The following MYBPC3 variants were observed in gnomAD, a reference collection of about 807,000 sequenced individuals.
MYBPC3 encodes the protein myosin-binding protein C, cardiac-type.
In MYBPC3, 108 loss-of-function variants were observed where a neutral mutation model predicts 159.3. The observed-to-expected ratio is 0.68, with a 90% CI of 0.58 to 0.80. The LOEUF (loss-of-function observed/expected upper bound fraction) is 0.80. MYBPC3 is among the 30% of genes least tolerant of loss of function. The pLI is 0.00. For synonymous variants in MYBPC3, 730 were observed against 702.0 expected, an observed-to-expected ratio of 1.04 and a Z score of -0.63; for missense variants, 1,631 against 1,762.1, an observed-to-expected ratio of 0.93 and a Z score of 1.33.
rs746179515 is a variant in MYBPC3, at chr11:47,332,746, AG to A, written c.3491-45del. Reference sequence around the variant, plus strand: ...GGTACCGAGAGGGCCACACAAAGCTAGGCCCCTCTCCCTGTTCCCACAGCCT... The same window carrying A: ...GGTACCGAGAGGGCCACACAAAGCTAGCCCCTCTCCCTGTTCCCACAGCCT... On this transcript the variant is annotated intron_variant, in intron 31 of 34. Transcript: ENST00000545968. This position sits in a 1 kb window ranked among gnomAD's most constrained non-coding sequence, Gnocchi z 4.2. The A allele has an allele frequency of 1.6e-4, 256 of 1,586,582 alleles. No homozygotes were observed. Among genetic ancestry groups the A allele is most frequent in the Non-Finnish European group, 2.1e-4 (250 of 1,165,712 alleles).
rs937545184 is a variant in MYBPC3 at position 47,351,710 on chromosome 11, G to A, written c.26-205C>T. On this transcript the variant is annotated intron_variant, in intron 1 of 34. Transcript: ENST00000545968. The surrounding 1 kb of genome is among the most constrained non-coding windows in gnomAD (Gnocchi z 4.2). ...CAGAGAAGCTAAGCGGCTCCTCCAA[G>A]ATCACACAGCTAGCAGTCGGGAGAG... Among the ~76,000 whole-genome samples the A allele has an allele frequency of 2.0e-5, 3 of 152,216 alleles. No individual in the cohort carries two copies. Among genetic ancestry groups the A allele is most frequent in the Non-Finnish European group, 4.4e-5 (3 of 68,038 alleles).
chr11:47,333,370 C>T (rs2095879214), intron 29 of MYBPC3, 37 bp from the exon 30 acceptor site: 2 of 1,527,808 alleles, frequency 1.3e-6, no homozygotes, highest in Non-Finnish European at 1.8e-6. Flanking sequence ...ACCACGCCTC[C>T]TGACAGTGAG....
rs751092574 is a variant in MYBPC3, at chr11:47,332,166, A to T, written c.3720T>A (p.Ile1240=). The change falls in exon 33 of 35, where the codon ATT becomes ATA. Residue 1240 remains isoleucine, a synonymous_variant. Coordinates refer to ENST00000545968, the MANE Select transcript of MYBPC3 (RefSeq NM_000256.3). The surrounding 1 kb of genome is among the most constrained non-coding windows in gnomAD (Gnocchi z 4.2). Reference sequence around the variant, plus strand: ...CCCCGTCAAAGGGGCAGGGCTTTCTAATCTCCAGAGTCAACACTCCCTGCT... The same window carrying T: ...CCCCGTCAAAGGGGCAGGGCTTTCTTATCTCCAGAGTCAACACTCCCTGCT... ...FSKQGVLTLE[I]RKPCPFDGGI... The T allele has an allele frequency of 1.2e-6, 2 of 1,613,784 alleles. No homozygotes were observed. Among genetic ancestry groups the T allele is most frequent in the Middle Eastern group, 1.6e-4 (1 of 6,062 alleles).
At position 47,351,331 on chromosome 11, in the gene MYBPC3, G is replaced by A; in HGVS notation, c.200C>T (p.Thr67Ile). 3 of 1,595,460 alleles carry A rather than the reference G, an allele frequency of 1.9e-6. No homozygotes were observed. Among genetic ancestry groups the A allele is most frequent in the Non-Finnish European group, 2.6e-6 (3 of 1,171,410 alleles). The change falls in exon 2 of 35, where the codon ACA becomes ATA. Residue 67 changes from threonine (T) to isoleucine (I), a missense_variant. Physicochemically the swap from Thr to Ile is moderately conservative, Grantham distance 89. Coordinates refer to ENST00000545968, the MANE Select transcript of MYBPC3 (RefSeq NM_000256.3). The surrounding 1 kb of genome is among the most constrained non-coding windows in gnomAD (Gnocchi z 4.2). ...LATEGTRHTLTVREVGPADQG... is the reference protein window; with the variant it reads ...LATEGTRHTLIVREVGPADQG... ...GTCGGCAGGGCCCACTTCCCGCACT[G>A]TCAGCGTATGCCGTGTGCCCTCTGT...
intron 27 of MYBPC3, among the ~76,000 whole-genome samples, chr11:47,334,405 G>A (rs1287146320): frequency 6.6e-6 from 1 of 152,206 alleles, no homozygotes. Context: ...AAGGAACAAA[G>A]GAATGGGAAG....
At chr11:47,341,270 AC>A in intron 18 of MYBPC3, 26 bp from the exon 19 acceptor site, 1 of 1,535,856 alleles carries the variant, frequency 6.5e-7, no homozygotes, top group Non-Finnish European at 8.8e-7. Flanking sequence ...GGCTCAGGGG[AC>A]CCCACTGGGC....
chr11:47,343,692 T>C, intron 12 of MYBPC3, 68 bp from the exon 13 acceptor site: 1 of 1,482,252 alleles, frequency 6.7e-7, no homozygotes, highest in Admixed American at 2.1e-5. Flanking sequence ...CAAGCTACTG[T>C]GGCTGTGGCT....
chr11:47,337,273 G>T, intron 25 of MYBPC3, 118 bp downstream of exon 25: 2 of 1,123,302 alleles, frequency 1.8e-6, no homozygotes, highest in Non-Finnish European at 2.5e-6. Flanking sequence ...CCCAGTCGAG[G>T]ATGAAAGGAG....
rs752388318 is a variant in MYBPC3 at position 47,351,230 on chromosome 11, G to A, written c.292+9C>T. 1.3e-5 allele frequency: 19 copies of A among 1,509,078 alleles called. No homozygotes were observed. Among genetic ancestry groups the A allele is most frequent in the South Asian group, 3.7e-5 (3 of 80,530 alleles). 93.5% of individuals were successfully genotyped at this position (1,509,078 alleles called of 1,614,324 possible). ...CCCAAACCTCAGGGAAGGCTGATCA[G>A]GATCTTACCTGCCTCTATGACCTTG... On this transcript the variant is annotated intron_variant, in intron 2 of 34. Transcript: ENST00000545968. The surrounding 1 kb of genome is among the most constrained non-coding windows in gnomAD (Gnocchi z 4.2).
intron 5 of MYBPC3, 121 bp from the exon 6 acceptor site, chr11:47,348,662 G>A (rs1023716799): frequency 7.6e-6 from 5 of 658,736 alleles, no homozygotes; most frequent in South Asian, 2.3e-5. Flanking sequence ...TCCCCACTTT[G>A]GGAGGCTGAG....
chr11:47,352,561 C>T (rs2095901873), intron 1 of MYBPC3, 62 bp downstream of exon 1: 1 of 1,593,072 alleles, frequency 6.3e-7, no homozygotes, highest in African/African-American at 1.4e-5. Flanking sequence ...CCTAGCCCTG[C>T]TCCCCAATTG....
intron 12 of MYBPC3, among the ~76,000 whole-genome samples, chr11:47,345,205 G>A (rs2095892955): frequency 6.6e-6 from 1 of 152,200 alleles, no homozygotes; most frequent in African/African-American, 2.4e-5. Context: ...ACAGTCCTTT[G>A]CTTGGTGCCC....
At chr11:47,341,320 C>G in intron 18 of MYBPC3, 76 bp from the exon 19 acceptor site, 1 of 1,133,584 alleles carries the variant, frequency 8.8e-7, no homozygotes, top group South Asian at 1.5e-5. Flanking sequence ...CAGCCAGGGT[C>G]CCAGGAGGCC....
chr11:47,335,992 G>A lies in MYBPC3; in HGVS notation c.2622C>T (p.Thr874=), dbSNP rs886048375. The A allele has an allele frequency of 3.3e-6, 5 of 1,532,910 alleles. No individual in the cohort carries two copies. Among genetic ancestry groups the A allele is most frequent in the Admixed American group, 2.0e-5 (1 of 50,746 alleles). The allele number at this position is 1,532,910 out of a possible 1,614,324, so 95.0% of individuals were successfully genotyped here. A position where few individuals can be genotyped will look rare whatever the true frequency, so the allele number is the denominator to read the frequency against. The change falls in exon 26 of 35, where the codon ACC becomes ACT. Residue 874 remains threonine, a synonymous_variant. Coordinates refer to ENST00000545968, the MANE Select transcript of MYBPC3 (RefSeq NM_000256.3). ...FMPIGPPSEP[T]HLAVEDVSDT... ...CAGAGACGTCCTCTACTGCCAGGTG[G>A]GTGGGTTCGCTGGGGGGACCTGGGC... is the stretch of plus-strand genomic sequence containing the variant.
chr11:47,334,902 G>T, intron 27 of MYBPC3, 140 bp downstream of exon 27: 1 of 1,060,478 alleles, frequency 9.4e-7, no homozygotes, highest in Non-Finnish European at 1.2e-6. Flanking sequence ...GCGCATGGAC[G>T]ATGGCTCCAA....
Position 47,346,075 on chromosome 11 carries a change from TG to T in MYBPC3, c.1090+131del. On this transcript the variant is annotated intron_variant, in intron 12 of 34. Transcript: ENST00000545968. The surrounding 1 kb of genome is among the most constrained non-coding windows in gnomAD (Gnocchi z 5.3). ...CCGGACTCCGCTCTTTCCATGTATG[TG>T]GACGAGGTGGGGGGCTAACCTGTGC... 7.9e-7 allele frequency: 1 copy of T among 1,266,516 alleles called. No individual in the cohort carries two copies. The highest frequency in any genetic ancestry group is 1.6e-5 in the South Asian group (1 of 62,522). 78.5% of individuals were successfully genotyped at this position (1,266,516 alleles called of 1,614,324 possible). A position where few individuals can be genotyped will look rare whatever the true frequency, so the allele number is the denominator to read the frequency against.
intron 17 of MYBPC3, 110 bp downstream of exon 17, chr11:47,342,468 G>A: frequency 7.5e-7 from 1 of 1,338,258 alleles, no homozygotes. Context: ...AAGGCCCAAG[G>A]TCACAGAGGC....
At position 47,349,787 on chromosome 11, in the gene MYBPC3, T is replaced by C; in HGVS notation, c.641A>G (p.Asp214Gly). The C allele has an allele frequency of 1.2e-6, 2 of 1,606,520 alleles. No individual in the cohort carries two copies. The highest frequency in any genetic ancestry group is 1.7e-6 in the Non-Finnish European group (2 of 1,179,668). Residue 214 changes from aspartate to glycine, a missense_variant, in exon 5 of 35, where the codon GAC becomes GGC. Asp to Gly is a moderately conservative substitution (Grantham distance 94). Coordinates refer to ENST00000545968, the MANE Select transcript of MYBPC3 (RefSeq NM_000256.3). ...CGGTGGACCCACCTTGCTGGCGCGG[T>C]CGTAGCTGTCGTGCAGCTGCAGGTG... is the stretch of plus-strand genomic sequence containing the variant. ...GQHLQLHDSY[D>G]RASKVYLFEL...
At chr11:47,348,930 A>ATATATATATATATATATATAG (rs1291880008) in intron 5 of MYBPC3, among the ~76,000 whole-genome samples, 1 of 133,598 alleles carries the variant, frequency 7.5e-6, no homozygotes, top group Non-Finnish European at 1.6e-5. Flanking sequence ...ATATATATTT[A>ATATATATATATATATATATAG]AAGGAGGCTG....
Sources: gnomAD v4.1 joint callset for allele counts (sites outside exome capture counted in the v4.1 genomes callset) on GRCh38, gnomAD v4.1.1 for gene constraint, Gnocchi (gnomAD v3.1) non-coding constraint, MANE v1.5 for transcripts, NCBI Gene and HGNC (gene_info 2026-07-23, HGNC 2026-07-21) for gene names.